FBXL17: variants seen among roughly 807,000 people sequenced by gnomAD.
FBXL17 encodes F-box and leucine rich repeat protein 17.
FBXL17 carries 22 observed loss-of-function variants against 66.2 expected under a neutral mutation model. The observed-to-expected ratio is 0.33, with a 90% CI of 0.24 to 0.47. FBXL17 has a LOEUF of 0.47. Ranked by LOEUF, FBXL17 falls within the 20% of genes least tolerant of loss-of-function variation. The probability of loss-of-function intolerance (pLI) is 1.00; values close to 1 mark genes in which losing one functional copy is unlikely to be tolerated. For synonymous variants in FBXL17, 474 were observed against 400.5 expected, an observed-to-expected ratio of 1.18 and a Z score of -2.19; for missense variants, 878 against 948.2, an observed-to-expected ratio of 0.93 and a Z score of 0.97.
At chr5:108,080,134 A>G (rs752764331) in intron 6 of FBXL17, among the ~76,000 whole-genome samples, 97 of 152,344 alleles carry the variant, frequency 6.4e-4, no homozygotes, top group Non-Finnish European at 1.1e-3. Flanking sequence ...ACCCATGAAT[A>G]TGAGTTAAAG....
At chr5:108,120,595 T>G (rs904498548) in intron 6 of FBXL17, among the ~76,000 whole-genome samples, 4 of 151,776 alleles carry the variant, frequency 2.6e-5, no homozygotes, top group African/African-American at 9.7e-5. Flanking sequence ...CTTTGGGAGG[T>G]GGAGGCAGGA....
intron 8 of FBXL17, among the ~76,000 whole-genome samples, chr5:107,863,112 C>T (rs913589060): frequency 1.3e-5 from 2 of 151,240 alleles, no homozygotes; most frequent in Non-Finnish European, 3.0e-5. Context: ...TGATTTATAA[C>T]GTTTTATTTT....
chr5:107,993,871 T>C (rs1295720054), intron 7 of FBXL17, among the ~76,000 whole-genome samples: 1 of 152,182 alleles, frequency 6.6e-6, no homozygotes, highest in African/African-American at 2.4e-5. Flanking sequence ...AACCAATTTT[T>C]GAATAGAGCC....
intron 7 of FBXL17, among the ~76,000 whole-genome samples, chr5:107,976,745 T>C (rs1280468542): frequency 1.3e-5 from 2 of 152,192 alleles, no homozygotes; most frequent in East Asian, 1.9e-4. Context: ...ATAGAATCAA[T>C]TGGATTAAAA....
chr5:107,912,734 G>A (rs1749993116), intron 7 of FBXL17, among the ~76,000 whole-genome samples: 1 of 152,102 alleles, frequency 6.6e-6, no homozygotes, highest in Non-Finnish European at 1.5e-5. Flanking sequence ...TAGCTAAAAG[G>A]AACTTCAGTT....
intron 5 of FBXL17, among the ~76,000 whole-genome samples, chr5:108,201,853 T>TAAAAAAA (rs55995911): frequency 5.4e-5 from 7 of 129,392 alleles, no homozygotes; most frequent in Admixed American, 7.8e-5. Flanking sequence ...AATTTGAAAG[T>TAAAAAAA]AAAAAAAAAA....
At chr5:107,920,736 G>T (rs1025580784) in intron 7 of FBXL17, among the ~76,000 whole-genome samples, 2 of 152,090 alleles carry the variant, frequency 1.3e-5, no homozygotes, top group Non-Finnish European at 2.9e-5. Flanking sequence ...CAATGTCAAA[G>T]GCAGAGTGAA....
chr5:107,998,170 G>T lies in FBXL17; in HGVS notation c.1822+22755C>A, dbSNP rs145587833. Among the ~76,000 whole-genome samples, 844 of 152,180 alleles carry T rather than the reference G, an allele frequency of 5.5e-3. 6 individuals are homozygous for T. Among genetic ancestry groups the T allele is most frequent in the African/African-American group, 0.018 (761 of 41,524 alleles). On this transcript the variant is annotated intron_variant, in intron 7 of 8. Transcript: ENST00000542267. The stretch of plus-strand genomic sequence containing the variant: ...GGAATAATAATACTTTGATTATACT[G>T]TATTACATAAAGTATATTATTAAAA...
intron 7 of FBXL17, among the ~76,000 whole-genome samples, chr5:108,001,525 G>C (rs1285650091): frequency 1.3e-5 from 2 of 151,658 alleles, no homozygotes; most frequent in African/African-American, 2.4e-5. Flanking sequence ...TTTTGAGACA[G>C]AGTCGCACTC....
intron 7 of FBXL17, among the ~76,000 whole-genome samples, chr5:107,977,895 A>C (rs1485159774): frequency 1.3e-5 from 2 of 152,210 alleles, no homozygotes; most frequent in African/African-American, 4.8e-5. Context: ...TGAAAGGCAG[A>C]AATCAGCTGC....
At chr5:108,222,685 T>C (rs1754919899) in intron 5 of FBXL17, among the ~76,000 whole-genome samples, 1 of 149,626 alleles carries the variant, frequency 6.7e-6, no homozygotes, top group African/African-American at 2.5e-5. Context: ...TTTTTTTTTT[T>C]TTTTTTTGAG....
intron 4 of FBXL17, among the ~76,000 whole-genome samples, chr5:108,337,129 G>A (rs1247664063): frequency 1.3e-5 from 2 of 151,748 alleles, no homozygotes; most frequent in African/African-American, 2.4e-5. Flanking sequence ...GGTGGTGCAC[G>A]CCTGTAGTCC....
intron 5 of FBXL17, among the ~76,000 whole-genome samples, chr5:108,207,657 T>G (rs767037359): frequency 6.6e-6 from 1 of 152,154 alleles, no homozygotes; most frequent in Admixed American, 6.5e-5. Flanking sequence ...CATGAACTCA[T>G]CTTTTTATGG....
At chr5:108,346,115 C>T (rs993098354) in intron 4 of FBXL17, among the ~76,000 whole-genome samples, 5 of 152,072 alleles carry the variant, frequency 3.3e-5, no homozygotes, top group African/African-American at 9.7e-5. Context: ...AAAGCTATGG[C>T]TTCGCAAGTA....
chr5:108,286,607 T>G (rs1013578717), intron 4 of FBXL17, among the ~76,000 whole-genome samples: 1 of 151,696 alleles, frequency 6.6e-6, no homozygotes, highest in Non-Finnish European at 1.5e-5. Context: ...ATCTCTACAG[T>G]AAGAATTACA....
At chr5:107,968,009 G>A (rs1752220009) in intron 7 of FBXL17, among the ~76,000 whole-genome samples, 1 of 152,052 alleles carries the variant, frequency 6.6e-6, no homozygotes, top group Non-Finnish European at 1.5e-5. Context: ...TTATACTAAG[G>A]TATAACGGAC....
chr5:108,103,281 T>A (rs1749669314), intron 6 of FBXL17, among the ~76,000 whole-genome samples: 1 of 152,234 alleles, frequency 6.6e-6, no homozygotes. Flanking sequence ...ATGCAACTTC[T>A]AAAAGTTCAG....
At chr5:107,887,018 C>A (rs1269148935) in intron 7 of FBXL17, among the ~76,000 whole-genome samples, 1 of 151,430 alleles carries the variant, frequency 6.6e-6, no homozygotes, top group African/African-American at 2.4e-5. Context: ...CTAGAACAGA[C>A]AAATCAGGGA....
chr5:107,980,169 T>C (rs1470410768), intron 7 of FBXL17, among the ~76,000 whole-genome samples: 1 of 152,060 alleles, frequency 6.6e-6, no homozygotes, highest in East Asian at 1.9e-4. Context: ...TTGCAGAAGC[T>C]AGGCAGAGAA....
Sources: gnomAD v4.1 joint callset for allele counts (sites outside exome capture counted in the v4.1 genomes callset) on GRCh38, gnomAD v4.1.1 for gene constraint, MANE v1.5 for transcripts, NCBI Gene and HGNC (gene_info 2026-07-23, HGNC 2026-07-21) for gene names.